PON1: variants seen among roughly 807,000 people sequenced by gnomAD.
PON1 encodes the protein paraoxonase 1.
PON1 carries 37 observed loss-of-function variants against 39.2 expected under a neutral mutation model. That is an observed-to-expected ratio of 0.94 (90% CI 0.73 to 1.24). PON1 has a LOEUF of 1.24. PON1 is among the 50% of genes most tolerant of loss of function. The pLI is 0.00. For missense variants in PON1, 397 were observed against 413.5 expected (o/e 0.96, Z 0.35); for synonymous variants, 148 against 152.2 (o/e 0.97, Z 0.21).
At chr7:95,312,903 G>A (rs1441355652) in intron 4 of PON1, among the ~76,000 whole-genome samples, 1 of 152,250 alleles carries the variant, frequency 6.6e-6, no homozygotes, top group African/African-American at 2.4e-5. Flanking sequence ...GAAGGCAAGA[G>A]AGAGTGGGAG....
intron 7 of PON1, among the ~76,000 whole-genome samples, chr7:95,303,959 G>C (rs1408064944): frequency 1.3e-5 from 2 of 152,130 alleles, no homozygotes; most frequent in African/African-American, 4.8e-5. Context: ...GGAGAGAGGA[G>C]AGAATTATTT....
chr7:95,301,055 C>T (rs1176146064), intron 8 of PON1, among the ~76,000 whole-genome samples: 7 of 150,854 alleles, frequency 4.6e-5, no homozygotes, highest in Non-Finnish European at 8.8e-5. Flanking sequence ...GAAATGGACT[C>T]TTAAAACTGA....
Position 95,298,934 on chromosome 7 carries a change from A to G in PON1, c.*10T>C, listed in dbSNP as rs1056334025. The G allele has an allele frequency of 5.6e-6, 9 of 1,613,990 alleles. No individual in the cohort carries two copies. The African/African-American group carries it at 1.1e-4, about 19-fold the overall frequency. On this transcript the variant is annotated 3_prime_UTR_variant, in exon 9 of 9. Coordinates refer to ENST00000222381, the MANE Select transcript of PON1 (RefSeq NM_000446.7). ...CCTCAGTTTCTATGGCATGGGTGCA[A>G]ATCGGTCTGTTAGAGCTCACAGTAA...
At chr7:95,310,298 T>C (rs1204912924) in intron 5 of PON1, among the ~76,000 whole-genome samples, 1 of 152,208 alleles carries the variant, frequency 6.6e-6, no homozygotes, top group Admixed American at 6.5e-5. Context: ...GCACCTGACT[T>C]ACAGAGAAAG....
At chr7:95,317,149 C>T (rs1807785743) in intron 2 of PON1, among the ~76,000 whole-genome samples, 1 of 152,062 alleles carries the variant, frequency 6.6e-6, no homozygotes, top group Admixed American at 6.6e-5. Context: ...AGGTAAATTA[C>T]AAATATATGT....
chr7:95,315,720 C>G (rs773240581), intron 3 of PON1, among the ~76,000 whole-genome samples: 14 of 152,108 alleles, frequency 9.2e-5, no homozygotes, highest in African/African-American at 3.4e-4. Context: ...TCCCCTGCAG[C>G]AAAGTCATAT....
chr7:95,300,448 A>G (rs1263698508), intron 8 of PON1, among the ~76,000 whole-genome samples: 1 of 152,240 alleles, frequency 6.6e-6, no homozygotes, highest in African/African-American at 2.4e-5. Flanking sequence ...GCGTGGATAT[A>G]AAAGGGTCTG....
chr7:95,308,446 A>G (rs1055325156), intron 5 of PON1, among the ~76,000 whole-genome samples: 2 of 151,578 alleles, frequency 1.3e-5, no homozygotes, highest in African/African-American at 4.9e-5. Context: ...TAAAAATCCT[A>G]TTATATGTAT....
chr7:95,302,692 A>G (rs369991382), intron 7 of PON1, among the ~76,000 whole-genome samples: 5 of 152,326 alleles, frequency 3.3e-5, no homozygotes, highest in African/African-American at 1.2e-4. Flanking sequence ...GGCATGTGGT[A>G]ATGATATTTT....
rs370826089 is a variant in PON1, at chr7:95,324,419, G to A, written c.57C>T (p.Asn19=). The A allele has an allele frequency of 1.1e-5, 18 of 1,614,086 alleles. No individual in the cohort carries two copies. The African/African-American group carries it at 2.4e-4, about 22-fold the overall frequency. Residue 19 remains asparagine (N), a synonymous_variant, in exon 1 of 9, where the codon AAC becomes AAT. Transcript: ENST00000222381. The part of the protein sequence containing the change: ...LLGMGLALFR[N]HQSSYQTRLN... ...CAACTTACTGGTAAGAAGACTGGTG[G>A]TTCCTGAAGAGTGCCAGTCCCATCC...
rs1270398996 is a variant in PON1, at chr7:95,302,110, AAAAAAAAAAAAC to A, written c.909+83_909+94del. ...ATACTCTGTCACAAAAAAAAAAAAA[AAAAAAAAAAAAC>A]CAAGAATTGAGAATTATGTTGTCAA... On this transcript the variant is annotated intron_variant, in intron 8 of 8. Coordinates refer to ENST00000222381, the MANE Select transcript of PON1 (RefSeq NM_000446.7). 219 of 836,404 alleles carry A rather than the reference AAAAAAAAAAAAC, an allele frequency of 2.6e-4. 1 individual carries two copies. The highest frequency in any genetic ancestry group is 1.1e-3 in the East Asian group (24 of 20,924). 51.8% of individuals were successfully genotyped at this position (836,404 alleles called of 1,614,324 possible).
intron 8 of PON1, among the ~76,000 whole-genome samples, chr7:95,301,732 A>T (rs1807426216): frequency 6.6e-6 from 1 of 152,086 alleles, no homozygotes; most frequent in African/African-American, 2.4e-5. Context: ...AAGCACCTCC[A>T]AAAGCCTTCA....
Position 95,297,811 on chromosome 7 carries a change from G to T in PON1, c.*1133C>A, listed in dbSNP as rs994821114. 2.0e-5 allele frequency: 3 copies of T among 151,932 alleles called. No individual in the cohort carries two copies. Among genetic ancestry groups the T allele is most frequent in the African/African-American group, 7.2e-5 (3 of 41,384 alleles). The allele number at this position is 151,932 out of a possible 1,614,324, so 9.4% of individuals were successfully genotyped here. ...GGTCTCAAAAACAAAACAAAAACAAGAAAAAAATTTGTTTCTAAAGTCACT... is the reference window on the plus strand; with the variant it reads ...GGTCTCAAAAACAAAACAAAAACAATAAAAAAATTTGTTTCTAAAGTCACT... On this transcript the variant is annotated 3_prime_UTR_variant, in exon 9 of 9. Coordinates refer to ENST00000222381, the MANE Select transcript of PON1 (RefSeq NM_000446.7).
At chr7:95,301,369 C>A (rs1407672381) in intron 8 of PON1, among the ~76,000 whole-genome samples, 1 of 152,140 alleles carries the variant, frequency 6.6e-6, no homozygotes, top group African/African-American at 2.4e-5. Flanking sequence ...TGCTCCAGGA[C>A]TGGTCCATTG....
chr7:95,324,224 T>A (rs1585703737), intron 1 of PON1, among the ~76,000 whole-genome samples, 178 bp downstream of exon 1: 1 of 152,316 alleles, frequency 6.6e-6, no homozygotes, highest in East Asian at 1.9e-4. Context: ...AGCAAGAGTT[T>A]GTTTTCAAGT....
At chr7:95,310,236 GA>G (rs1807625444) in intron 5 of PON1, among the ~76,000 whole-genome samples, 1 of 152,184 alleles carries the variant, frequency 6.6e-6, no homozygotes, top group Admixed American at 6.5e-5. Flanking sequence ...ACCTAATTCA[GA>G]AGGTATTTGT....
chr7:95,310,517 T>TG (rs1335963441), intron 5 of PON1, among the ~76,000 whole-genome samples: 2 of 152,308 alleles, frequency 1.3e-5, no homozygotes, highest in Non-Finnish European at 2.9e-5. Flanking sequence ...TGACCTGAGC[T>TG]GGGGTTCCTA....
At chr7:95,319,142 T>TTTTTC (rs1554607764) in intron 1 of PON1, among the ~76,000 whole-genome samples, 1 of 151,518 alleles carries the variant, frequency 6.6e-6, no homozygotes, top group Non-Finnish European at 1.5e-5. Context: ...TTTTTTTTTT[T>TTTTTC]TTTTTAGAGA....
At chr7:95,302,533 G>C (rs1422488939) in intron 7 of PON1, 200 bp from the exon 8 acceptor site, 1 of 565,684 alleles carries the variant, frequency 1.8e-6, no homozygotes, top group Non-Finnish European at 3.1e-6. Flanking sequence ...TCAGTTTCCA[G>C]GGCAGAATTG....
Sources: allele counts gnomAD v4.1 joint callset (sites outside exome capture counted in the v4.1 genomes callset), GRCh38; gene constraint gnomAD v4.1.1; transcripts MANE v1.5; gene names NCBI Gene and HGNC (gene_info 2026-07-23, HGNC 2026-07-21).